ZNF335: variants seen among roughly 807,000 people sequenced by gnomAD.
ZNF335 encodes zinc finger protein 335.
Under a neutral mutation model 145.6 loss-of-function variants are expected in ZNF335, and 84 were observed. That is an observed-to-expected ratio of 0.58 (90% confidence interval 0.48 to 0.69). The LOEUF is 0.69. ZNF335 is among the 30% of genes least tolerant of loss of function. The pLI, the probability that ZNF335 is intolerant of heterozygous loss-of-function variation, is 0.00. For missense variants in ZNF335, 1,865 were observed against 1,809.7 expected (o/e 1.03, Z -0.55); for synonymous variants, 761 against 717.0 (o/e 1.06, Z -0.98).
intron 17 of ZNF335, among the ~76,000 whole-genome samples, chr20:45,956,289 C>T (rs1375776135): frequency 2.6e-5 from 4 of 151,044 alleles, no homozygotes; most frequent in Admixed American, 6.6e-5. Flanking sequence ...AGTGCAATGG[C>T]GCAATCTCGG....
rs569368236 is a variant in ZNF335, at chr20:45,949,516, T to C, written c.3722A>G (p.Tyr1241Cys). The C allele has an allele frequency of 6.2e-7, 1 of 1,613,516 alleles. No homozygotes were observed. Among genetic ancestry groups the C allele is most frequent in the South Asian group, 1.1e-5 (1 of 91,060 alleles). ...GTGATGGCCTTCAGGGACCACAACA[T>C]ATTCCTGGGGGAGCAGGTGCTGGAC... is the stretch of plus-strand genomic sequence containing the variant. ...DGVQHLLPQEYVVVPEGHHIQ... is the reference protein window; with the variant it reads ...DGVQHLLPQECVVVPEGHHIQ... Residue 1241 changes from tyrosine to cysteine, a missense_variant, in exon 25 of 28, where the codon TAT becomes TGT. Transcript: ENST00000322927.
In ZNF335 at chr20:45,965,770, A is replaced by G. The variant is rs1304236689; in HGVS notation, c.960T>C (p.Asp320=). ...CATCCTCAGCTGGATTATAGTCGCT[A>G]TCCTCTGTGGGGGACAGTAAAGTTG... is the stretch of plus-strand genomic sequence containing the variant. The part of the protein sequence containing the change: ...DAGAIDDLEE[D]SDYNPAEDEP... The change falls in exon 7 of 28, where the codon GAT becomes GAC. Residue 320 remains aspartate (D), a synonymous_variant. Transcript: ENST00000322927. 2 of 1,603,258 alleles carry G rather than the reference A, an allele frequency of 1.2e-6. No homozygotes were observed. The highest frequency in any genetic ancestry group is 1.7e-5 in the Admixed American group (1 of 59,250).
intron 17 of ZNF335, among the ~76,000 whole-genome samples, chr20:45,954,175 GC>G (rs1417005154): frequency 6.6e-6 from 1 of 152,206 alleles, no homozygotes; most frequent in South Asian, 2.1e-4. Context: ...GAGCAGTTGT[GC>G]CCCCCACAAA....
chr20:45,952,462 T>A lies in ZNF335; in HGVS notation c.2874A>T (p.Lys958Asn). The A allele has an allele frequency of 6.4e-7, 1 of 1,562,880 alleles. No individual in the cohort carries two copies. The highest frequency in any genetic ancestry group is 8.7e-7 in the Non-Finnish European group (1 of 1,151,460). ...GTCCCCCACACTGCAGCAGGGGCCA[T>A]TTGGCACCAGAGGCCAGAGCATCTG... is the stretch of plus-strand genomic sequence containing the variant. ...PSPDALASGA[K>N]WPLLQCGGLP... The change falls in exon 20 of 28, where the codon AAA becomes AAT. Residue 958 changes from lysine (K) to asparagine (N), a missense_variant. Physicochemically the swap from Lys to Asn is moderately conservative, Grantham distance 94. Transcript: ENST00000322927.
Position 45,969,669 on chromosome 20 carries a change from G to C in ZNF335, c.224C>G (p.Ser75Trp), listed in dbSNP as rs371914944. 9 of 1,611,842 alleles carry C rather than the reference G, an allele frequency of 5.6e-6. No homozygotes were observed. Among genetic ancestry groups the C allele is most frequent in the South Asian group, 1.1e-5 (1 of 91,006 alleles). ...RSQEEVSESSSSADPLPNSYL... is the reference protein window; with the variant it reads ...RSQEEVSESSWSADPLPNSYL... ...GCTATTAGGCAGGGGGTCTGCGCTCGAGCTGCTCTCAGATACCTCCTCCTG... is the reference window on the plus strand; with the variant it reads ...GCTATTAGGCAGGGGGTCTGCGCTCCAGCTGCTCTCAGATACCTCCTCCTG... The change falls in exon 3 of 28, where the codon TCG becomes TGG. Residue 75 changes from serine (S) to tryptophan (W), a missense_variant. Transcript: ENST00000322927.
At position 45,952,651 on chromosome 20, in the gene ZNF335, C is replaced by G; in HGVS notation, c.2761G>C (p.Ala921Pro). ...GTAGCCATGATGTAGTGGGTGCCAG[C>G]TTCTTTTAGGGTGTCACTCACAACC... The part of the protein sequence containing the change: ...AVVVSDTLKE[A>P]GTHYIMATDG... The change falls in exon 19 of 28, where the codon GCT becomes CCT. Residue 921 changes from alanine to proline, a missense_variant. Physicochemically the swap from Ala to Pro is conservative, Grantham distance 27. Coordinates refer to ENST00000322927, the MANE Select transcript of ZNF335 (RefSeq NM_022095.4). 1 of 1,613,896 alleles carries G rather than the reference C, an allele frequency of 6.2e-7. No homozygotes were observed. The highest frequency in any genetic ancestry group is 1.1e-5 in the South Asian group (1 of 91,082).
Position 45,963,631 on chromosome 20 carries a change from T to C in ZNF335, c.1375A>G (p.Lys459Glu). ...KYRKYYYKSP[K>E]PLLRPFLCRI... ...CACAGGAAGGGCCTCAAAAGTGGTT[T>C]GGGCGACTTGTAATAGTACCTGCAG... Residue 459 changes from lysine to glutamate, a missense_variant, in exon 9 of 28, where the codon AAA becomes GAA. Transcript: ENST00000322927. The C allele has an allele frequency of 6.2e-7, 1 of 1,614,198 alleles. No individual in the cohort carries two copies. The highest frequency in any genetic ancestry group is 8.5e-7 in the Non-Finnish European group (1 of 1,180,018).
intron 1 of ZNF335, 171 bp downstream of exon 1, chr20:45,971,951 G>A (rs1568834143): frequency 1.0e-6 from 1 of 985,328 alleles, no homozygotes; most frequent in South Asian, 4.7e-5. Flanking sequence ...ATCTTGTGGT[G>A]GCGCCGGGTT....
Position 45,956,373 on chromosome 20 carries a change from C to T in ZNF335, c.2442+1213G>A, listed in dbSNP as rs541234598. ...CCTCCCGAGTGGCTGGGATTACAGA[C>T]GTGTGCCACCACGCCCAGCTAATTT... On this transcript the variant is annotated intron_variant, in intron 17 of 27. Transcript: ENST00000322927. Among the ~76,000 whole-genome samples the T allele has an allele frequency of 5.9e-5, 9 of 152,168 alleles. No homozygotes were observed. In the East Asian group the frequency reaches 1.4e-3, roughly 23 times the overall value.
At chr20:45,968,484 T>G in intron 3 of ZNF335, 122 bp from the exon 4 acceptor site, 2 of 868,986 alleles carry the variant, frequency 2.3e-6, no homozygotes, top group Non-Finnish European at 3.7e-6. Flanking sequence ...GGCTCCCATG[T>G]GCGACTGCAA....
chr20:45,965,716 C>G lies in ZNF335; in HGVS notation c.1014G>C (p.Gln338His), dbSNP rs1482594803. The G allele has an allele frequency of 6.2e-7, 1 of 1,606,088 alleles. No homozygotes were observed. Among genetic ancestry groups the G allele is most frequent in the Non-Finnish European group, 8.5e-7 (1 of 1,176,714 alleles). Residue 338 changes from glutamine to histidine, a missense_variant, in exon 7 of 28, where the codon CAG becomes CAC. Physicochemically the swap from Gln to His is conservative, Grantham distance 24. Transcript: ENST00000322927. ...DEPRGRQLRL[Q>H]RPTPSTPRPR... ...GCCTTGGGGTACTGGGGGTGGGGCG[C>G]TGGAGCCGAAGCTGCCGGCCTCGGG... is the stretch of plus-strand genomic sequence containing the variant.
In ZNF335 at chr20:45,959,261, C is replaced by T; in HGVS notation, c.2193G>A (p.Glu731=). The stretch of plus-strand genomic sequence containing the variant: ...GGGCCGCACTGTGCTGCTGCTTCAG[C>T]TCCTCAATCTGCTGCAGAGAGAAGA... ...RPFFSLQQIE[E]LKQQHSAAPG... The change falls in exon 15 of 28, where the codon GAG becomes GAA. Residue 731 remains glutamate, a synonymous_variant. Transcript: ENST00000322927. The T allele has an allele frequency of 6.6e-7, 1 of 1,512,868 alleles. No homozygotes were observed. The highest frequency in any genetic ancestry group is 8.9e-7 in the Non-Finnish European group (1 of 1,122,228). 93.7% of individuals were successfully genotyped at this position (1,512,868 alleles called of 1,614,324 possible). A position where few individuals can be genotyped will look rare whatever the true frequency, so the allele number is the denominator to read the frequency against.
chr20:45,957,194 T>G (rs952713596), intron 17 of ZNF335, among the ~76,000 whole-genome samples: 17 of 152,116 alleles, frequency 1.1e-4, no homozygotes, highest in Admixed American at 2.0e-4. Context: ...GTCTGCAGGC[T>G]GTAGGAGGTG....
Position 45,962,418 on chromosome 20 carries a change from G to T in ZNF335, c.1534-236C>A, listed in dbSNP as rs191676496. Reference sequence around the variant, plus strand: ...TGCTGGCTCACAACTTGACAAAGAAGGAACCTGAGTCTCAGGGTGGAGGGA... The same window carrying T: ...TGCTGGCTCACAACTTGACAAAGAATGAACCTGAGTCTCAGGGTGGAGGGA... On this transcript the variant is annotated intron_variant, in intron 9 of 27. Coordinates refer to ENST00000322927, the MANE Select transcript of ZNF335 (RefSeq NM_022095.4). Among the ~76,000 whole-genome samples, 6 of 152,364 alleles carry T rather than the reference G, an allele frequency of 3.9e-5. No individual in the cohort carries two copies. In the East Asian group the frequency reaches 1.2e-3, roughly 29 times the overall value.
At chr20:45,951,057 T>C (rs1219754041) in intron 20 of ZNF335, among the ~76,000 whole-genome samples, 11 of 152,252 alleles carry the variant, frequency 7.2e-5, no homozygotes, top group African/African-American at 2.7e-4. Context: ...CACACCTGGC[T>C]AATTTTGTAT....
intron 9 of ZNF335, among the ~76,000 whole-genome samples, chr20:45,962,972 C>G (rs1048889087): frequency 6.6e-6 from 1 of 151,920 alleles, no homozygotes; most frequent in African/African-American, 2.4e-5. Flanking sequence ...CACCACCATG[C>G]CCAGCTAATT....
At position 45,968,306 on chromosome 20, in the gene ZNF335, T is replaced by C; in HGVS notation, c.499A>G (p.Ile167Val). 3 of 1,613,396 alleles carry C rather than the reference T, an allele frequency of 1.9e-6. No individual in the cohort carries two copies. In the East Asian group the frequency reaches 6.7e-5, roughly 36 times the overall value. The change falls in exon 4 of 28, where the codon ATC (isoleucine) becomes GTC (valine). Residue 167 changes from isoleucine (I) to valine (V), a missense_variant. By Grantham distance (29) the Ile-to-Val change is conservative (BLOSUM62 3). Transcript: ENST00000322927. ...TTACCATCATCTGGGCCCTGTAGGA[T>C]CAGGTACCGTGTGGTCTCGGCCCCG... ...DGGAETTRYL[I>V]LQGPDDGAPM...
At chr20:45,969,281 G>A (rs1288175583) in intron 3 of ZNF335, among the ~76,000 whole-genome samples, 170 bp downstream of exon 3, 1 of 152,098 alleles carries the variant, frequency 6.6e-6, no homozygotes, top group East Asian at 1.9e-4. Context: ...GAACTTTACA[G>A]TGTTGTCTCA....
intron 11 of ZNF335, 37 bp downstream of exon 11, chr20:45,960,827 G>A (rs1222085884): frequency 6.2e-7 from 1 of 1,613,880 alleles, no homozygotes. Context: ...ACAACCCCCG[G>A]GCAGGTTCCC....
Sources: allele counts gnomAD v4.1 joint callset (sites outside exome capture counted in the v4.1 genomes callset), GRCh38; gene constraint gnomAD v4.1.1; transcripts MANE v1.5; gene names NCBI Gene and HGNC (gene_info 2026-07-23, HGNC 2026-07-21).